The following NRXN3 variants were observed in gnomAD, a reference collection of about 807,000 sequenced individuals.
NRXN3 encodes the protein neurexin III.
In NRXN3, 32 loss-of-function variants were observed where a neutral mutation model predicts 137.6. The observed-to-expected ratio is 0.23, with a 90% CI of 0.18 to 0.31. The LOEUF is 0.31. Ranked by LOEUF, NRXN3 falls within the 10% of genes least tolerant of loss-of-function variation. The probability of loss-of-function intolerance (pLI) is 1.00; values close to 1 mark genes in which losing one functional copy is unlikely to be tolerated. For missense variants in NRXN3, 1,574 were observed against 2,062.5 expected, an observed-to-expected ratio of 0.76 and a Z score of 4.59; for synonymous variants, 798 against 784.5, an observed-to-expected ratio of 1.02 and a Z score of -0.29.
intron 10 of NRXN3, among the ~76,000 whole-genome samples, chr14:78,867,575 T>C (rs1257749287): frequency 6.6e-6 from 1 of 152,176 alleles, no homozygotes; most frequent in Non-Finnish European, 1.5e-5. Context: ...CCTTCTTCCC[T>C]GAAGCAGTCA....
chr14:78,442,282 G>A (rs75360007), intron 4 of NRXN3, among the ~76,000 whole-genome samples: 11 of 142,900 alleles, frequency 7.7e-5, no homozygotes, highest in Non-Finnish European at 7.6e-5. Context: ...AGAAAAAAAG[G>A]AAAAAAAAAA....
chr14:79,789,966 TAG>T (rs1209222177), intron 19 of NRXN3, among the ~76,000 whole-genome samples: 2 of 152,078 alleles, frequency 1.3e-5, no homozygotes, highest in African/African-American at 4.8e-5. Flanking sequence ...GGCTTGTTCC[TAG>T]AGAGTAAGGA....
intron 8 of NRXN3, among the ~76,000 whole-genome samples, chr14:78,715,665 C>A (rs2098428219): frequency 6.6e-6 from 1 of 152,134 alleles, no homozygotes; most frequent in African/African-American, 2.4e-5. Flanking sequence ...AACATAAACT[C>A]TGGGGCCAGA....
intron 15 of NRXN3, among the ~76,000 whole-genome samples, chr14:79,118,933 G>A (rs528044794): frequency 6.6e-6 from 1 of 152,258 alleles, no homozygotes; most frequent in Admixed American, 6.5e-5. Context: ...CAATTTATTA[G>A]CGGATTCTTT....
intron 4 of NRXN3, among the ~76,000 whole-genome samples, chr14:78,387,571 G>A (rs1462101359): frequency 6.6e-6 from 1 of 152,142 alleles, no homozygotes; most frequent in Non-Finnish European, 1.5e-5. Context: ...GCAGGACTAG[G>A]GCTCCTGGCT....
At chr14:79,065,565 G>A (rs143697743) in intron 15 of NRXN3, among the ~76,000 whole-genome samples, 4 of 152,210 alleles carry the variant, frequency 2.6e-5, no homozygotes, top group South Asian at 2.1e-4. Flanking sequence ...CACAAACCAG[G>A]TGGCTTAAAC....
chr14:79,774,144 A>C (rs2099089258), intron 19 of NRXN3, among the ~76,000 whole-genome samples: 1 of 152,164 alleles, frequency 6.6e-6, no homozygotes, highest in African/African-American at 2.4e-5. Context: ...AGTAGTGGAA[A>C]GTTATAAAAT....
intron 18 of NRXN3, among the ~76,000 whole-genome samples, chr14:79,695,005 A>G (rs923370616): frequency 6.6e-6 from 1 of 151,984 alleles, no homozygotes; most frequent in Non-Finnish European, 1.5e-5. Context: ...CTTATTCTCA[A>G]GAATTGATTA....
intron 15 of NRXN3, among the ~76,000 whole-genome samples, chr14:79,196,126 C>T (rs1416129356): frequency 1.3e-5 from 2 of 152,180 alleles, no homozygotes; most frequent in African/African-American, 4.8e-5. Flanking sequence ...GACTGCATCA[C>T]ATTTCACTGT....
intron 6 of NRXN3, among the ~76,000 whole-genome samples, chr14:78,686,879 G>A (rs2098130359): frequency 6.6e-6 from 1 of 152,090 alleles, no homozygotes; most frequent in African/African-American, 2.4e-5. Flanking sequence ...ATACAGCAAT[G>A]AATAACAACA....
intron 4 of NRXN3, among the ~76,000 whole-genome samples, chr14:78,590,889 C>T (rs2097110075): frequency 6.6e-6 from 1 of 151,318 alleles, no homozygotes; most frequent in South Asian, 2.1e-4. Flanking sequence ...CAGAAGGAGA[C>T]TCTGTCTCAA....
intron 16 of NRXN3, among the ~76,000 whole-genome samples, chr14:79,567,647 G>T (rs1017528963): frequency 6.6e-6 from 1 of 151,684 alleles, no homozygotes; most frequent in African/African-American, 2.4e-5. Context: ...TTCTACGTTC[G>T]GCATGATTTG....
rs532296190 is a variant in NRXN3, at chr14:79,188,456, C to T, written c.3262+200315C>T. ...CTCTAATAGGTATCTTTCTGGAGAA[C>T]AGTCTTTATAGCAAGGTTTTCTTTA... On this transcript the variant is annotated intron_variant, in intron 15 of 20. Coordinates refer to ENST00000335750, the MANE Select transcript of NRXN3 (RefSeq NM_001330195.2). Among the ~76,000 whole-genome samples the T allele has an allele frequency of 9.9e-5, 15 of 151,716 alleles. No individual in the cohort carries two copies. The South Asian group carries it at 3.1e-3, about 32-fold the overall frequency.
intron 4 of NRXN3, among the ~76,000 whole-genome samples, chr14:78,349,824 G>A (rs1020553726): frequency 6.6e-6 from 1 of 152,178 alleles, no homozygotes; most frequent in Non-Finnish European, 1.5e-5. Context: ...TGTGCTCAGT[G>A]GGTGTTTCAT....
chr14:79,567,677 A>G (rs2097563122), intron 16 of NRXN3, among the ~76,000 whole-genome samples: 1 of 152,016 alleles, frequency 6.6e-6, no homozygotes, highest in Non-Finnish European at 1.5e-5. Flanking sequence ...TGGTTATTTG[A>G]TAATTATTAT....
intron 4 of NRXN3, among the ~76,000 whole-genome samples, chr14:78,349,692 T>C (rs555997033): frequency 9.2e-5 from 14 of 152,316 alleles, no homozygotes; most frequent in African/African-American, 2.9e-4. Context: ...CATCCTTGCT[T>C]TGCATTCCCC....
At chr14:78,581,567 G>A (rs940109682) in intron 4 of NRXN3, among the ~76,000 whole-genome samples, 2 of 152,144 alleles carry the variant, frequency 1.3e-5, no homozygotes, top group Admixed American at 6.6e-5. Flanking sequence ...GATTTTAGGC[G>A]ACAATCAGAC....
chr14:78,575,007 G>T (rs1303469337), intron 4 of NRXN3, among the ~76,000 whole-genome samples: 1 of 152,154 alleles, frequency 6.6e-6, no homozygotes, highest in Non-Finnish European at 1.5e-5. Flanking sequence ...AATCATGAGG[G>T]TGGTTTCTGC....
intron 4 of NRXN3, among the ~76,000 whole-genome samples, chr14:78,596,369 G>GGT (rs1482675879): frequency 6.6e-6 from 1 of 152,138 alleles, no homozygotes; most frequent in African/African-American, 2.4e-5. Context: ...GTGAAGCTCT[G>GGT]GTGTGGTACT....
Sources: gnomAD v4.1 joint callset for allele counts (sites outside exome capture counted in the v4.1 genomes callset) on GRCh38, gnomAD v4.1.1 for gene constraint, MANE v1.5 for transcripts, NCBI Gene and HGNC (gene_info 2026-07-23, HGNC 2026-07-21) for gene names.